Variants in ATP8A2 observed in about 807,000 individuals in gnomAD.
ATP8A2 encodes phospholipid-transporting ATPase IB.
In ATP8A2, 100 loss-of-function variants were observed where a neutral mutation model predicts 165.6. That is an observed-to-expected ratio of 0.60 (90% CI 0.51 to 0.71). ATP8A2 has a LOEUF of 0.71. Among genes scored for constraint, ATP8A2 ranks in the 30% least tolerant of loss-of-function variants. ATP8A2 has a pLI of 0.00. For missense variants in ATP8A2, 1,227 were observed against 1,479.5 expected, an observed-to-expected ratio of 0.83 and a Z score of 2.80; for synonymous variants, 543 against 548.8, an observed-to-expected ratio of 0.99 and a Z score of 0.15.
chr13:25,540,380 A>T lies in ATP8A2; in HGVS notation c.643A>T (p.Ile215Leu), dbSNP rs1384866263. Residue 215 changes from isoleucine (I) to leucine (L), a missense_variant, in exon 8 of 37, where the codon ATA (isoleucine) becomes TTA (leucine). Transcript: ENST00000381655. ...TCTGGATGGGGAGACGAACCTTAAA[A>T]TACGTCAGGTAAAGTCACCTCTGAT... ...ANLDGETNLK[I>L]RQGLSHTADM... 1.2e-6 allele frequency: 2 copies of T among 1,612,228 alleles called. No individual in the cohort carries two copies. The highest frequency in any genetic ancestry group is 1.7e-4 in the Middle Eastern group (1 of 6,060).
At chr13:25,963,816 A>G (rs986419195) in intron 34 of ATP8A2, among the ~76,000 whole-genome samples, 1 of 152,204 alleles carries the variant, frequency 6.6e-6, no homozygotes, top group East Asian at 1.9e-4. Context: ...ATTCCCTGTC[A>G]TCACAAAGCA....
intron 33 of ATP8A2, among the ~76,000 whole-genome samples, chr13:25,897,320 G>C (rs2138930214): frequency 6.6e-6 from 1 of 152,218 alleles, no homozygotes; most frequent in Admixed American, 6.5e-5. Flanking sequence ...ATGAAATTCT[G>C]GGTTGAAAAT....
At chr13:25,744,716 G>A (rs770925753) in intron 25 of ATP8A2, among the ~76,000 whole-genome samples, 30 of 152,168 alleles carry the variant, frequency 2.0e-4, no homozygotes, top group Non-Finnish European at 3.8e-4. Flanking sequence ...GCCTCAGACA[G>A]TGTTTGTAAT....
At chr13:25,469,995 A>G (rs2035799340) in intron 2 of ATP8A2, among the ~76,000 whole-genome samples, 1 of 152,192 alleles carries the variant, frequency 6.6e-6, no homozygotes, top group African/African-American at 2.4e-5. Context: ...GGGTGTAGAG[A>G]AGTTCAGTGA....
intron 33 of ATP8A2, among the ~76,000 whole-genome samples, chr13:25,892,709 C>G (rs903677180): frequency 1.3e-5 from 2 of 152,086 alleles, no homozygotes; most frequent in African/African-American, 2.4e-5. Flanking sequence ...CCCTCCATCC[C>G]CCTCCTCTGC....
chr13:25,837,146 C>T lies in ATP8A2; in HGVS notation c.2755-17C>T, dbSNP rs1435556663. Reference sequence around the variant, plus strand: ...ATCCGAAGGGCTGCTTTTAATGGCTCATTGTTCTCCCTGCAGATTTTCACC... The same window carrying T: ...ATCCGAAGGGCTGCTTTTAATGGCTTATTGTTCTCCCTGCAGATTTTCACC... On this transcript the variant is annotated splice_polypyrimidine_tract_variant and intron_variant, in intron 28 of 36. Transcript: ENST00000381655. 6.2e-7 allele frequency: 1 copy of T among 1,609,988 alleles called. No homozygotes were observed. The highest frequency in any genetic ancestry group is 8.5e-7 in the Non-Finnish European group (1 of 1,178,152).
intron 35 of ATP8A2, among the ~76,000 whole-genome samples, chr13:25,991,176 G>C (rs779379021): frequency 2.6e-5 from 4 of 152,118 alleles, no homozygotes; most frequent in Admixed American, 6.5e-5. Context: ...AGATAGCATT[G>C]CTTAGCACTG....
chr13:25,394,565 A>G (rs1272765146), intron 1 of ATP8A2, among the ~76,000 whole-genome samples: 2 of 152,180 alleles, frequency 1.3e-5, no homozygotes, highest in Non-Finnish European at 2.9e-5. Context: ...GCAGAGACCA[A>G]TTGCTGGCCG....
chr13:25,658,398 G>A (rs974659820), intron 24 of ATP8A2, among the ~76,000 whole-genome samples: 4 of 152,166 alleles, frequency 2.6e-5, no homozygotes, highest in Non-Finnish European at 5.9e-5. Flanking sequence ...AGCACTTTGG[G>A]AGGCCGAGGC....
At chr13:25,437,037 A>C (rs2034799932) in intron 1 of ATP8A2, among the ~76,000 whole-genome samples, 1 of 152,102 alleles carries the variant, frequency 6.6e-6, no homozygotes, top group Non-Finnish European at 1.5e-5. Context: ...TCAGCTTCCC[A>C]AAGTGCTGGA....
At chr13:25,645,115 G>A (rs2041636740) in intron 24 of ATP8A2, among the ~76,000 whole-genome samples, 1 of 152,168 alleles carries the variant, frequency 6.6e-6, no homozygotes, top group Non-Finnish European at 1.5e-5. Flanking sequence ...AGATTGGGAA[G>A]TAAAAGAGGC....
intron 25 of ATP8A2, among the ~76,000 whole-genome samples, chr13:25,731,054 C>CA (rs1007886394): frequency 5.1e-5 from 7 of 137,068 alleles, no homozygotes; most frequent in Non-Finnish European, 7.7e-5. Flanking sequence ...AGCCAGGTCG[C>CA]AAAAAAGAAG....
chr13:25,876,912 T>C (rs952290414), intron 33 of ATP8A2, among the ~76,000 whole-genome samples: 2 of 152,152 alleles, frequency 1.3e-5, no homozygotes, highest in African/African-American at 4.8e-5. Flanking sequence ...AAATCTAAGA[T>C]GAGCATGATT....
chr13:25,588,143 A>G (rs1265520168), intron 23 of ATP8A2, among the ~76,000 whole-genome samples: 1 of 152,188 alleles, frequency 6.6e-6, no homozygotes, highest in African/African-American at 2.4e-5. Flanking sequence ...ATTGCCTTAA[A>G]AAATTAACAT....
chr13:25,816,097 G>A lies in ATP8A2; in HGVS notation c.2680-12021G>A, dbSNP rs539350577. Reference sequence around the variant, plus strand: ...GTCCTGGAGATGGATGATGGTGATGGGTACACATCAAGGTAAATGTTTTTA... The same window carrying A: ...GTCCTGGAGATGGATGATGGTGATGAGTACACATCAAGGTAAATGTTTTTA... On this transcript the variant is annotated intron_variant, in intron 27 of 36. Coordinates refer to ENST00000381655, the MANE Select transcript of ATP8A2 (RefSeq NM_016529.6). Among the ~76,000 whole-genome samples, 9 of 152,124 alleles carry A rather than the reference G, an allele frequency of 5.9e-5. No homozygotes were observed. The East Asian group carries it at 1.5e-3, about 26-fold the overall frequency.
intron 27 of ATP8A2, among the ~76,000 whole-genome samples, chr13:25,820,743 A>T (rs1949059935): frequency 6.6e-6 from 1 of 152,232 alleles, no homozygotes; most frequent in Non-Finnish European, 1.5e-5. Flanking sequence ...TACCTGTCTC[A>T]TGAATAAATA....
Position 25,860,855 on chromosome 13 carries a change from A to T in ATP8A2, c.3070A>T (p.Thr1024Ser). The T allele has an allele frequency of 6.3e-7, 1 of 1,588,728 alleles. No homozygotes were observed. The highest frequency in any genetic ancestry group is 8.6e-7 in the Non-Finnish European group (1 of 1,162,808). ...LKAGLETTAW[T>S]KFSHLAVWGS... is the part of the protein sequence containing the mutation. ...AGCTGGTTTGGAGACCACAGCTTGGACTAAAGTAAGTTTTCTCTAGAATTG... is the reference window on the plus strand; with the variant it reads ...AGCTGGTTTGGAGACCACAGCTTGGTCTAAAGTAAGTTTTCTCTAGAATTG... Residue 1024 changes from threonine to serine, a missense_variant, in exon 32 of 37, where the codon ACT becomes TCT. By Grantham distance (58) the Thr-to-Ser change is moderately conservative. Transcript: ENST00000381655.
At chr13:25,602,790 G>A (rs186888284) in intron 24 of ATP8A2, among the ~76,000 whole-genome samples, 213 of 152,258 alleles carry the variant, frequency 1.4e-3, no homozygotes, top group Middle Eastern at 3.4e-3. Flanking sequence ...AGGATATCTG[G>A]GCCAGGCACA....
rs62636611 is a variant in ATP8A2, at chr13:25,860,860, A to G, written c.3075A>G (p.Lys1025=). 3.9e-3 allele frequency: 6,229 copies of G among 1,584,032 alleles called. 21 individuals are homozygous for G. The highest frequency in any genetic ancestry group is 4.6e-3 in the Non-Finnish European group (5,366 of 1,159,100). The change falls in exon 32 of 37, where the codon AAA becomes AAG. Residue 1025 remains lysine (K), a splice_region_variant and synonymous_variant. Coordinates refer to ENST00000381655, the MANE Select transcript of ATP8A2 (RefSeq NM_016529.6). ...GTTTGGAGACCACAGCTTGGACTAA[A>G]GTAAGTTTTCTCTAGAATTGTTTCT... ...KAGLETTAWT[K]FSHLAVWGSM... is the part of the protein sequence containing the mutation.
Sources: allele counts gnomAD v4.1 joint callset (sites outside exome capture counted in the v4.1 genomes callset), GRCh38; gene constraint gnomAD v4.1.1; transcripts MANE v1.5; gene names NCBI Gene and HGNC (gene_info 2026-07-23, HGNC 2026-07-21).